Variants in MMP26 observed in about 807,000 individuals in gnomAD.
MMP26 encodes matrix metallopeptidase 26.
A neutral mutation model predicts 31.0 loss-of-function variants in MMP26; 33 were observed. The ratio of observed to expected loss-of-function variants is 1.06; its 90% CI spans 0.81 to 1.42. The LOEUF (loss-of-function observed/expected upper bound fraction) is 1.42, where lower values mean the gene tolerates loss of function less well. Among genes scored for constraint, MMP26 ranks in the 40% most tolerant of loss-of-function variants. MMP26 has a pLI of 0.00. For synonymous variants in MMP26, 122 were observed against 114.9 expected (o/e 1.06, Z -0.40); for missense variants, 347 against 316.1 (o/e 1.10, Z -0.74).
intron 2 of MMP26, chr11:4,909,345 C>T (rs1035369670): frequency 1.3e-5 from 2 of 152,086 alleles, no homozygotes; most frequent in Admixed American, 6.6e-5. Flanking sequence ...ATGGCAATCT[C>T]TCTGGGATTC....
At chr11:4,719,842 T>C (rs1448822510) in intron 1 of MMP26, among the ~76,000 whole-genome samples, 3 of 152,348 alleles carry the variant, frequency 2.0e-5, no homozygotes, top group African/African-American at 7.2e-5. Context: ...CAGCTTAGTT[T>C]GCAAATGCGG....
chr11:4,948,937 T>C, intron 2 of MMP26, among the ~76,000 whole-genome samples: 1 of 124,538 alleles, frequency 8.0e-6, no homozygotes, highest in Non-Finnish European at 1.8e-5. Context: ...AGGTACTTCT[T>C]ATTAAAGAGA....
chr11:4,872,491 C>T (rs1439857223), intron 2 of MMP26, among the ~76,000 whole-genome samples: 2 of 151,716 alleles, frequency 1.3e-5, no homozygotes, highest in South Asian at 2.1e-4. Context: ...AGATCATTGT[C>T]CCCCTCCCCC....
At chr11:4,804,035 C>T in intron 2 of MMP26, 1 of 1,613,952 alleles carries the variant, frequency 6.2e-7, no homozygotes, top group Non-Finnish European at 8.5e-7. Context: ...ATGAGCACCC[C>T]AGACTCCACA....
chr11:4,719,766 G>T (rs960836634), intron 1 of MMP26, among the ~76,000 whole-genome samples: 8 of 152,166 alleles, frequency 5.3e-5, no homozygotes, highest in Admixed American at 2.0e-4. Context: ...TGATAGTCAT[G>T]ATGATAATAA....
At position 4,989,845 on chromosome 11, in the gene MMP26, G is replaced by A; in HGVS notation, c.297G>A (p.Trp99Ter). The A allele has an allele frequency of 1.2e-6, 2 of 1,610,236 alleles. No homozygotes were observed. The highest frequency in any genetic ancestry group is 1.7e-6 in the Non-Finnish European group (2 of 1,179,980). ...CCATCTCGCCAGGAAGATGCAAGTG[G>A]AATAAGCACACTCTAACTTACAGGT... ...DTSISPGRCK[W>*]NKHTLTYRII... is the part of the protein sequence containing the mutation. Residue 99 changes from tryptophan to a stop codon, truncating the protein, a stop_gained, in exon 4 of 8, where the codon TGG becomes TGA. Transcript: ENST00000380390. LOFTEE classifies it high-confidence loss of function.
chr11:4,774,917 T>A (rs988031357), intron 2 of MMP26, among the ~76,000 whole-genome samples: 35 of 152,160 alleles, frequency 2.3e-4, no homozygotes, highest in Admixed American at 1.8e-3. Context: ...TTGTCAGGAT[T>A]GTTGAAGATC....
chr11:4,942,716 A>G (rs1846231936), intron 2 of MMP26: 1 of 152,166 alleles, frequency 6.6e-6, no homozygotes, highest in Non-Finnish European at 1.5e-5. Flanking sequence ...ACAAATAACA[A>G]AAGGAGAAAT....
chr11:4,846,090 G>T (rs568784348), intron 2 of MMP26, among the ~76,000 whole-genome samples: 1 of 152,130 alleles, frequency 6.6e-6, no homozygotes, highest in South Asian at 2.1e-4. Flanking sequence ...TATTAAAGAC[G>T]TATCTGCACT....
At chr11:4,774,695 C>T (rs1285731904) in intron 2 of MMP26, among the ~76,000 whole-genome samples, 1 of 152,142 alleles carries the variant, frequency 6.6e-6, no homozygotes, top group Admixed American at 6.5e-5. Context: ...ATCATGAAAT[C>T]TTTTCCTGTG....
At chr11:4,719,937 C>T (rs775416210) in intron 1 of MMP26, among the ~76,000 whole-genome samples, 8 of 152,154 alleles carry the variant, frequency 5.3e-5, no homozygotes, top group Non-Finnish European at 1.0e-4. Flanking sequence ...AGTAACATCA[C>T]GCTGCTCTCA....
intron 2 of MMP26, among the ~76,000 whole-genome samples, chr11:4,922,144 A>T (rs1429133489): frequency 6.6e-6 from 1 of 152,228 alleles, no homozygotes; most frequent in Non-Finnish European, 1.5e-5. Context: ...ATGGCCAACA[A>T]GCATATGAAA....
In MMP26 at chr11:4,923,430, G is replaced by A. The variant is rs752587394; in HGVS notation, c.-144-64638G>A. 37 of 1,597,158 alleles carry A rather than the reference G, an allele frequency of 2.3e-5. No individual in the cohort carries two copies. The Middle Eastern group carries it at 6.7e-4, about 29-fold the overall frequency. On this transcript the variant is annotated intron_variant, in intron 2 of 7. Transcript: ENST00000380390. The stretch of plus-strand genomic sequence containing the variant: ...ATAAACTGAAACTTCTTAATGATGC[G>A]CTGGCGAATTTGCTTGGTCTTGATG...
chr11:4,749,349 A>T (rs775615497), intron 1 of MMP26, among the ~76,000 whole-genome samples: 3 of 152,032 alleles, frequency 2.0e-5, no homozygotes, highest in Admixed American at 6.6e-5. Flanking sequence ...TGTTAAAATG[A>T]CCATACTGCC....
chr11:4,861,764 T>C (rs1330779693), intron 2 of MMP26, among the ~76,000 whole-genome samples: 1 of 152,138 alleles, frequency 6.6e-6, no homozygotes, highest in African/African-American at 2.4e-5. Flanking sequence ...TCTGTACCCA[T>C]GAGTGCCGCC....
At chr11:4,749,038 A>G (rs1848415592) in intron 1 of MMP26, among the ~76,000 whole-genome samples, 2 of 152,070 alleles carry the variant, frequency 1.3e-5, no homozygotes, top group African/African-American at 4.8e-5. Flanking sequence ...ATATACCTAG[A>G]AAATTCTAAA....
At chr11:4,832,266 G>T (rs2133481685) in intron 2 of MMP26, 1 of 177,740 alleles carries the variant, frequency 5.6e-6, no homozygotes, top group Non-Finnish European at 1.2e-5. Flanking sequence ...CTGGGCAACT[G>T]CACCATCCTA....
chr11:4,881,163 C>T (rs969651060), intron 2 of MMP26, among the ~76,000 whole-genome samples: 1 of 152,098 alleles, frequency 6.6e-6, no homozygotes, highest in Non-Finnish European at 1.5e-5. Flanking sequence ...GAGTGTATGA[C>T]CTCACAGAGA....
At chr11:4,709,330 G>T (rs1176778921) in intron 1 of MMP26, among the ~76,000 whole-genome samples, 1 of 152,100 alleles carries the variant, frequency 6.6e-6, no homozygotes, top group Non-Finnish European at 1.5e-5. Context: ...GTAATATAAT[G>T]GGAATCTTGC....
Sources: allele counts gnomAD v4.1 joint callset (sites outside exome capture counted in the v4.1 genomes callset), GRCh38; gene constraint gnomAD v4.1.1; transcripts MANE v1.5; gene names NCBI Gene and HGNC (gene_info 2026-07-23, HGNC 2026-07-21).